The following SEM1 variants were observed in gnomAD, a reference collection of about 807,000 sequenced individuals.
SEM1 encodes SEM1 26S proteasome subunit, also known as 26S proteasome complex subunit SEM1.
A neutral mutation model predicts 12.7 loss-of-function variants in SEM1; 3 were observed. The observed-to-expected ratio is 0.24, with a 90% CI of 0.11 to 0.61. The LOEUF is 0.61. SEM1 is among the 20% of genes least tolerant of loss of function. SEM1 has a pLI of 0.88. For synonymous variants in SEM1, 30 were observed against 27.8 expected (o/e 1.08, Z -0.25); for missense variants, 59 against 81.3 (o/e 0.73, Z 1.06).
chr7:96,484,057 T>A, intron 3 of SEM1: 1 of 1,355,020 alleles, frequency 7.4e-7, no homozygotes, highest in South Asian at 1.5e-5. Context: ...TATTAACTTA[T>A]TCAATCTTCA....
At chr7:96,508,850 G>A (rs1382734089) in intron 2 of SEM1, among the ~76,000 whole-genome samples, 1 of 152,022 alleles carries the variant, frequency 6.6e-6, no homozygotes, top group Non-Finnish European at 1.5e-5. Flanking sequence ...GAAAATCTGG[G>A]AAAATTTATT....
chr7:96,648,783 C>CA (rs1808879088), intron 2 of SEM1, among the ~76,000 whole-genome samples: 1 of 152,190 alleles, frequency 6.6e-6, no homozygotes, highest in Non-Finnish European at 1.5e-5. Context: ...TTTTGCAAGT[C>CA]AGTTTTTTTT....
downstream of SEM1, among the ~76,000 whole-genome samples, chr7:96,685,610 A>C (rs1232534790): frequency 6.6e-6 from 1 of 152,028 alleles, no homozygotes; most frequent in Non-Finnish European, 1.5e-5. Context: ...CAAATTATTC[A>C]GCATCTTGGT....
chr7:96,684,682 G>C (rs759118835), downstream of SEM1, among the ~76,000 whole-genome samples: 3 of 152,064 alleles, frequency 2.0e-5, no homozygotes, highest in Non-Finnish European at 4.4e-5. Flanking sequence ...ATTTACTGAG[G>C]TGGGGAAGAC....
intron 2 of SEM1, among the ~76,000 whole-genome samples, chr7:96,560,638 GA>G (rs1378930680): frequency 6.6e-6 from 1 of 151,030 alleles, no homozygotes. Flanking sequence ...TTAAAATTAA[GA>G]GTTTCTTTTA....
At chr7:96,678,472 G>A (rs1435002103) in intron 2 of SEM1, among the ~76,000 whole-genome samples, 1 of 152,110 alleles carries the variant, frequency 6.6e-6, no homozygotes, top group Non-Finnish European at 1.5e-5. Flanking sequence ...TAGTATTTAG[G>A]AGAAATTGCC....
At chr7:96,483,381 A>G (rs6465507) in exon 4 of SEM1, 87,841 of 160,970 alleles carry the variant, frequency 0.55, 25,102 homozygotes, top group Non-Finnish European at 0.61. Flanking sequence ...TCTGTTCCTC[A>G]TCACAGCAGA....
chr7:96,584,944 G>T (rs151218739), intron 2 of SEM1, among the ~76,000 whole-genome samples: 1 of 149,112 alleles, frequency 6.7e-6, no homozygotes, highest in African/African-American at 2.5e-5. Context: ...TAATTTGATC[G>T]TCTGAAGCCT....
chr7:96,702,402 C>T (rs1415932534), intron 1 of SEM1, among the ~76,000 whole-genome samples: 12 of 152,258 alleles, frequency 7.9e-5, no homozygotes, highest in Middle Eastern at 6.8e-3. Context: ...ATTGGAGCAA[C>T]GGCTGATTTC....
exon 4 of SEM1, chr7:96,483,128 C>T (rs1230956815): frequency 1.3e-5 from 2 of 152,110 alleles, no homozygotes; most frequent in Non-Finnish European, 2.9e-5. Context: ...ATAAGTACTT[C>T]ATAGGCATTA....
At position 96,494,028 on chromosome 7, in the gene SEM1, A is replaced by G. The variant is rs558451866; in HGVS notation, c.12+2256T>C. Reference sequence around the variant, plus strand: ...ATATGTGCTTGCTGGCTCATGAAATAAGACAGAGTAACAGGAAGACACAAA... The same window carrying G: ...ATATGTGCTTGCTGGCTCATGAAATGAGACAGAGTAACAGGAAGACACAAA... On this transcript the variant is annotated intron_variant, in intron 1 of 3. Coordinates refer to the SEM1 transcript ENST00000356686. 1.6e-3 allele frequency among the ~76,000 whole-genome samples: 246 copies of G among 152,290 alleles called. 1 individual carries two copies. Among genetic ancestry groups the G allele is most frequent in the Non-Finnish European group, 3.2e-3 (215 of 68,010 alleles).
At chr7:96,695,091 G>C (rs1382826227) in intron 1 of SEM1, 200 bp from the exon 2 acceptor site, 4 of 374,884 alleles carry the variant, frequency 1.1e-5, no homozygotes, top group Non-Finnish European at 1.9e-5. Flanking sequence ...ACCTAAAACA[G>C]AAGTTAATAC....
At chr7:96,579,832 T>G (rs900613697) in intron 2 of SEM1, among the ~76,000 whole-genome samples, 6 of 152,146 alleles carry the variant, frequency 3.9e-5, no homozygotes, top group Non-Finnish European at 1.5e-5. Context: ...CCACCTAAGA[T>G]GTAAGCAATA....
At chr7:96,568,760 C>T (rs1445112923) in intron 2 of SEM1, among the ~76,000 whole-genome samples, 1 of 151,800 alleles carries the variant, frequency 6.6e-6, no homozygotes, top group African/African-American at 2.4e-5. Flanking sequence ...GTATTTATCA[C>T]TAATTTTATT....
At chr7:96,549,199 A>C (rs1805191123) in intron 2 of SEM1, among the ~76,000 whole-genome samples, 1 of 152,194 alleles carries the variant, frequency 6.6e-6, no homozygotes, top group South Asian at 2.1e-4. Flanking sequence ...TGGTAGAGTG[A>C]CCAAATCTTT....
intron 3 of SEM1, among the ~76,000 whole-genome samples, chr7:96,503,913 G>A (rs1225250326): frequency 6.6e-6 from 1 of 152,078 alleles, no homozygotes; most frequent in Non-Finnish European, 1.5e-5. Context: ...TACTGCCCAA[G>A]TATCCAGTTC....
chr7:96,603,582 GT>G (rs1282707299), intron 2 of SEM1, among the ~76,000 whole-genome samples: 1 of 152,224 alleles, frequency 6.6e-6, no homozygotes, highest in East Asian at 1.9e-4. Context: ...AAAAAAGGTA[GT>G]TTTTTTCTGG....
intron 2 of SEM1, among the ~76,000 whole-genome samples, chr7:96,538,229 A>C (rs138378595): frequency 2.0e-3 from 308 of 151,954 alleles, no homozygotes; most frequent in Non-Finnish European, 3.3e-3. Flanking sequence ...AGTCTTTAAC[A>C]TATTAAGCAT....
At chr7:96,663,205 C>A (rs1789066915) in intron 2 of SEM1, among the ~76,000 whole-genome samples, 1 of 151,550 alleles carries the variant, frequency 6.6e-6, no homozygotes. Flanking sequence ...TTGATAACTA[C>A]TGAAACTGGG....
Sources: allele counts gnomAD v4.1 joint callset (sites outside exome capture counted in the v4.1 genomes callset), GRCh38; gene constraint gnomAD v4.1.1; transcripts MANE v1.5; gene names NCBI Gene and HGNC (gene_info 2026-07-23, HGNC 2026-07-21).